EDC3: variants seen among roughly 807,000 people sequenced by gnomAD.
EDC3 encodes the protein enhancer of mRNA decapping 3.
In EDC3, 20 loss-of-function variants were observed where a neutral mutation model predicts 41.8. The ratio of observed to expected loss-of-function variants is 0.48; its 90% CI spans 0.34 to 0.70. The LOEUF (loss-of-function observed/expected upper bound fraction) is 0.70, where lower values mean the gene tolerates loss of function less well. EDC3 is among the 30% of genes least tolerant of loss of function. EDC3 has a pLI of 0.01. For missense variants in EDC3, 444 were observed against 636.8 expected (o/e 0.70, Z 3.26); for synonymous variants, 206 against 243.2 (o/e 0.85, Z 1.42).
intron 1 of EDC3, among the ~76,000 whole-genome samples, chr15:74,691,131 T>C (rs1464222828): frequency 1.3e-5 from 2 of 149,436 alleles, no homozygotes; most frequent in Non-Finnish European, 3.0e-5. Context: ...AGCAAGACCC[T>C]GTCTCAAAAA....
intron 4 of EDC3, among the ~76,000 whole-genome samples, chr15:74,654,852 T>C (rs1421483378): frequency 2.0e-5 from 3 of 152,362 alleles, no homozygotes; most frequent in East Asian, 1.9e-4. Context: ...GTTCTCCTTA[T>C]AGCAGCTACC....
Position 74,679,036 on chromosome 15 carries a change from C to CA in EDC3, c.-18-3895dup, listed in dbSNP as rs1305048756. Among the ~76,000 whole-genome samples, 1,173 of 140,212 alleles carry CA rather than the reference C, an allele frequency of 8.4e-3. 15 individuals carry two copies. The highest frequency in any genetic ancestry group is 0.029 in the African/African-American group (1,100 of 38,266). 92.0% of individuals were successfully genotyped at this position (140,212 alleles called of 152,430 possible). ...TGAAACCCCATCTCTACTAAAAATA[C>CA]AAAAAAAAAAATTAGCCAGGTGTGG... On this transcript the variant is annotated intron_variant, in intron 1 of 6. Transcript: ENST00000315127.
At chr15:74,675,758 G>A (rs1335779335) in intron 1 of EDC3, among the ~76,000 whole-genome samples, 2 of 151,562 alleles carry the variant, frequency 1.3e-5, no homozygotes, top group Non-Finnish European at 2.9e-5. Context: ...GCGGGTGCCT[G>A]TAGTCCCAGC....
intron 4 of EDC3, among the ~76,000 whole-genome samples, chr15:74,651,395 G>A (rs1410413380): frequency 6.6e-6 from 1 of 152,200 alleles, no homozygotes. Flanking sequence ...GCTAAATTTA[G>A]TTGCTTCCTG....
chr15:74,645,979 T>TG (rs1279527914), intron 4 of EDC3, among the ~76,000 whole-genome samples: 1 of 151,646 alleles, frequency 6.6e-6, no homozygotes, highest in African/African-American at 2.4e-5. Context: ...AGTGGTGAAG[T>TG]GGGGAACAGC....
At chr15:74,635,006 C>T in intron 6 of EDC3, 1 of 455,772 alleles carries the variant, frequency 2.2e-6, no homozygotes, top group Non-Finnish European at 4.4e-6. Context: ...CCCAGTCCTC[C>T]AACATGCCTC....
At chr15:74,685,438 G>GTA (rs2062924930) in intron 1 of EDC3, among the ~76,000 whole-genome samples, 1 of 151,210 alleles carries the variant, frequency 6.6e-6, no homozygotes, top group African/African-American at 2.4e-5. Context: ...GATAGATAGT[G>GTA]TGTGTGTCAC....
At position 74,656,068 on chromosome 15, in the gene EDC3, C is replaced by A; in HGVS notation, c.485G>T (p.Trp162Leu). 1 of 1,605,270 alleles carries A rather than the reference C, an allele frequency of 6.2e-7. No homozygotes were observed. Among genetic ancestry groups the A allele is most frequent in the Non-Finnish European group, 8.5e-7 (1 of 1,175,734 alleles). Residue 162 changes from tryptophan to leucine, a missense_variant and splice_region_variant, in exon 4 of 7, where the codon TGG becomes TTG. Transcript: ENST00000315127. ...SKSFRRRHNS[W>L]SSSSRHPNQA... The stretch of plus-strand genomic sequence containing the variant: ...ATTTGGGTGCCTGCTACTAGATGAC[C>A]CTGGAGAAAAAATAGGGACTAAAGT...
chr15:74,685,198 C>T (rs926011298), intron 1 of EDC3, among the ~76,000 whole-genome samples: 9 of 152,036 alleles, frequency 5.9e-5, no homozygotes, highest in African/African-American at 2.2e-4. Flanking sequence ...AGTTTGAGAC[C>T]AGCCTAGGCA....
intron 4 of EDC3, among the ~76,000 whole-genome samples, chr15:74,650,416 T>C (rs2062467267): frequency 1.3e-5 from 2 of 152,148 alleles, no homozygotes; most frequent in African/African-American, 4.8e-5. Flanking sequence ...TACCCATGAA[T>C]ATCTTCCTCT....
chr15:74,648,202 G>C (rs1467944087), intron 4 of EDC3, among the ~76,000 whole-genome samples: 2 of 152,186 alleles, frequency 1.3e-5, no homozygotes, highest in Non-Finnish European at 2.9e-5. Context: ...ATTTCTTCCT[G>C]AATTCCTTTT....
chr15:74,671,883 T>A lies in EDC3; in HGVS notation c.165-109A>T. On this transcript the variant is annotated intron_variant, in intron 2 of 6. Coordinates refer to ENST00000315127, the MANE Select transcript of EDC3 (RefSeq NM_025083.5). This position sits in a 1 kb window ranked among gnomAD's most constrained non-coding sequence, Gnocchi z 4.6. ...CTTTGCAGGACTGCATTTTATTGAG[T>A]TATCAGAGGCTAGGAAAGGGGGCTG... 9.0e-7 allele frequency: 1 copy of A among 1,106,596 alleles called. No homozygotes were observed. The highest frequency in any genetic ancestry group is 1.3e-6 in the Non-Finnish European group (1 of 763,478). The allele number at this position is 1,106,596 out of a possible 1,614,324, so 68.5% of individuals were successfully genotyped here.
At chr15:74,682,548 G>A (rs1011395745) in intron 1 of EDC3, among the ~76,000 whole-genome samples, 3 of 149,814 alleles carry the variant, frequency 2.0e-5, no homozygotes, top group African/African-American at 4.9e-5. Flanking sequence ...AACTGAAGAG[G>A]TGGAGCTTGC....
intron 4 of EDC3, among the ~76,000 whole-genome samples, chr15:74,654,303 C>T (rs1310916111): frequency 1.3e-5 from 2 of 151,008 alleles, no homozygotes; most frequent in Non-Finnish European, 2.9e-5. Context: ...AGGGAAATCA[C>T]ACGCTGCATA....
At chr15:74,644,817 C>T (rs1246513313) in intron 4 of EDC3, 1 of 152,088 alleles carries the variant, frequency 6.6e-6, no homozygotes, top group Non-Finnish European at 1.5e-5. Flanking sequence ...TCAACAAAAA[C>T]CTACTAATTA....
intron 1 of EDC3, among the ~76,000 whole-genome samples, chr15:74,687,963 T>C (rs1055712498): frequency 6.6e-6 from 1 of 152,246 alleles, no homozygotes; most frequent in Non-Finnish European, 1.5e-5. Flanking sequence ...GTTTATATTA[T>C]GGTAGTAGTA....
intron 3 of EDC3, among the ~76,000 whole-genome samples, chr15:74,662,881 A>C (rs2062636221): frequency 6.6e-6 from 1 of 152,232 alleles, no homozygotes; most frequent in Non-Finnish European, 1.5e-5. Flanking sequence ...AAACAGTTAT[A>C]GGAGAAAACA....
At chr15:74,683,130 A>C (rs559864560) in intron 1 of EDC3, among the ~76,000 whole-genome samples, 2 of 152,404 alleles carry the variant, frequency 1.3e-5, no homozygotes, top group Admixed American at 1.3e-4. Context: ...GTGAATAAAC[A>C]AACAGTGGTA....
intron 1 of EDC3, among the ~76,000 whole-genome samples, chr15:74,682,823 G>GA: frequency 6.6e-6 from 1 of 150,626 alleles, no homozygotes; most frequent in East Asian, 2.0e-4. Flanking sequence ...GGGAGTTCGA[G>GA]ACCAGCCTGA....
Sources: allele counts gnomAD v4.1 joint callset (sites outside exome capture counted in the v4.1 genomes callset), GRCh38; gene constraint gnomAD v4.1.1; non-coding constraint Gnocchi (gnomAD v3.1); transcripts MANE v1.5; gene names NCBI Gene and HGNC (gene_info 2026-07-23, HGNC 2026-07-21).